The following PATL1 variants were observed in gnomAD, a reference collection of about 807,000 sequenced individuals.
The protein encoded by PATL1 is protein PAT1 homolog 1.
PATL1 carries 32 observed loss-of-function variants against 100.6 expected under a neutral mutation model. The observed-to-expected ratio is 0.32, with a 90% CI of 0.24 to 0.43. The LOEUF (loss-of-function observed/expected upper bound fraction) is 0.43. PATL1 is among the 20% of genes least tolerant of loss of function. The pLI, the probability that PATL1 is intolerant of heterozygous loss-of-function variation, is 1.00. For missense variants in PATL1, 747 were observed against 949.9 expected (o/e 0.79, Z 2.81); for synonymous variants, 332 against 330.0 (o/e 1.01, Z -0.07).
chr11:59,649,475 G>A lies in PATL1; in HGVS notation c.1720C>T (p.Pro574Ser). 1 of 1,613,794 alleles carries A rather than the reference G, an allele frequency of 6.2e-7. No homozygotes were observed. The highest frequency in any genetic ancestry group is 8.5e-7 in the Non-Finnish European group (1 of 1,179,826). ...SMYDNLRGKLPGQERPSDDHF... is the reference protein window; with the variant it reads ...SMYDNLRGKLSGQERPSDDHF... ...CACGATGCTTACCTCTCTTGTCCAG[G>A]CAATTTCCCCCTTAAGTTGTCATAC... The change falls in exon 14 of 19, where the codon CCT becomes TCT. Residue 574 changes from proline (P) to serine (S), a missense_variant. Pro to Ser is a moderately conservative substitution (Grantham distance 74, BLOSUM62 -1). Transcript: ENST00000300146.
At chr11:59,650,127 GAAAAAAAAAAA>G (rs755879524) in intron 13 of PATL1, among the ~76,000 whole-genome samples, 1 of 61,652 alleles carries the variant, frequency 1.6e-5, no homozygotes, top group East Asian at 6.1e-4. Flanking sequence ...ATCTCAAAAG[GAAAAAAAAAAA>G]AAAAAAAAAG....
rs918387908 is a variant in PATL1, at chr11:59,666,980, A to G, written c.16-16T>C. The G allele has an allele frequency of 3.3e-6, 5 of 1,535,066 alleles. No homozygotes were observed. The African/African-American group carries it at 6.9e-5, about 21-fold the overall frequency. On this transcript the variant is annotated splice_polypyrimidine_tract_variant and intron_variant, in intron 1 of 18. Transcript: ENST00000300146. The stretch of plus-strand genomic sequence containing the variant: ...CCTCCAAAGACTAAAAAAAAAGAAA[A>G]GACATTAGTTATTCATGAAATTCAC...
intron 2 of PATL1, among the ~76,000 whole-genome samples, chr11:59,659,680 C>G (rs987201953): frequency 1.3e-5 from 2 of 152,052 alleles, no homozygotes; most frequent in Non-Finnish European, 2.9e-5. Context: ...GCTGGGACTA[C>G]AGGCGCCCAC....
chr11:59,650,591 CTT>C (rs1861428505), intron 13 of PATL1, among the ~76,000 whole-genome samples, 161 bp downstream of exon 13: 2 of 152,156 alleles, frequency 1.3e-5, no homozygotes, highest in African/African-American at 4.8e-5. Flanking sequence ...TACCATAATC[CTT>C]TCCAAAGTTA....
chr11:59,649,485 C>T lies in PATL1; in HGVS notation c.1710G>A (p.Arg570=). 6.2e-7 allele frequency: 1 copy of T among 1,613,874 alleles called. No individual in the cohort carries two copies. Among genetic ancestry groups the T allele is most frequent in the Non-Finnish European group, 8.5e-7 (1 of 1,179,852 alleles). ...ACCTCTCTTGTCCAGGCAATTTCCC[C>T]CTTAAGTTGTCATACATGCTACAAA... ...HKICSMYDNL[R]GKLPGQERPS... Residue 570 remains arginine (R), a synonymous_variant, in exon 14 of 19, where the codon AGG becomes AGA. Transcript: ENST00000300146.
intron 1 of PATL1, among the ~76,000 whole-genome samples, chr11:59,668,653 A>C (rs911474811): frequency 6.6e-6 from 1 of 151,930 alleles, no homozygotes; most frequent in African/African-American, 2.4e-5. Flanking sequence ...CCCAAAACGG[A>C]GGCCAACTTT....
At chr11:59,659,584 T>G in intron 2 of PATL1, 115 bp from the exon 3 acceptor site, 2 of 943,974 alleles carry the variant, frequency 2.1e-6, no homozygotes, top group Non-Finnish European at 3.1e-6. Flanking sequence ...CAGGCTGCAG[T>G]GCAGTGGCGT....
chr11:59,638,377 A>C lies in PATL1; in HGVS notation c.*13T>G. 6.2e-7 allele frequency: 1 copy of C among 1,611,802 alleles called. No individual in the cohort carries two copies. Among genetic ancestry groups the C allele is most frequent in the Non-Finnish European group, 8.5e-7 (1 of 1,178,306 alleles). Reference sequence around the variant, plus strand: ...GCAGCCAAAAGGAGGTACAGGACACATTTGGAGATCTTTTATCGTATCCCC... The same window carrying C: ...GCAGCCAAAAGGAGGTACAGGACACCTTTGGAGATCTTTTATCGTATCCCC... On this transcript the variant is annotated 3_prime_UTR_variant, in exon 19 of 19. Coordinates refer to ENST00000300146, the MANE Select transcript of PATL1 (RefSeq NM_152716.3).
rs752120610 is a variant in PATL1, at chr11:59,654,019, C to T, written c.1085G>A (p.Arg362His). The change falls in exon 9 of 19, where the codon CGT becomes CAT. Residue 362 changes from arginine (R) to histidine (H), a missense_variant. This residue lies in a region of PATL1 where 434 missense variants were observed against 596.1 expected (regional missense o/e 0.73). Transcript: ENST00000300146. Reference sequence around the variant, plus strand: ...TTGCTGTCTCTGATGCAAGAGTCGACGGTGCTGTGGATGGAGGTGAGTTGT... The same window carrying T: ...TTGCTGTCTCTGATGCAAGAGTCGATGGTGCTGTGGATGGAGGTGAGTTGT... Reference protein sequence around the residue: ...PDTTHLHPQHRRLLHQRQQQN... With the variant: ...PDTTHLHPQHHRLLHQRQQQN... The T allele has an allele frequency of 1.9e-5, 30 of 1,613,500 alleles. No homozygotes were observed. The highest frequency in any genetic ancestry group is 2.5e-5 in the Non-Finnish European group (29 of 1,179,666).
Position 59,639,313 on chromosome 11 carries a change from TCTG to T in PATL1, c.2117_2119del (p.Thr706_Glu707delinsLys). 1.3e-6 allele frequency: 2 copies of T among 1,552,096 alleles called. No individual in the cohort carries two copies. The highest frequency in any genetic ancestry group is 1.7e-6 in the Non-Finnish European group (2 of 1,147,362). On this transcript the variant is annotated inframe_deletion, in exon 17 of 19. Transcript: ENST00000300146. Reference sequence around the variant, plus strand: ...TGACCACTGATTATTTTGTGTTGATTCTGTAGCAGGGTCTGAACTCTGTAGGTC... The same window carrying T: ...TGACCACTGATTATTTTGTGTTGATTTAGCAGGGTCTGAACTCTGTAGGTC...
chr11:59,649,710 C>A, intron 13 of PATL1, 100 bp from the exon 14 acceptor site: 30 of 1,184,256 alleles, frequency 2.5e-5, no homozygotes, highest in South Asian at 1.3e-4. Context: ...AAGACAAACT[C>A]ATTATAGAAA....
rs539114373 is a variant in PATL1 at position 59,660,854 on chromosome 11, A to G, written c.128-1385T>C. 5.1e-3 allele frequency among the ~76,000 whole-genome samples: 780 copies of G among 152,322 alleles called. 2 individuals are homozygous for G. The highest frequency in any genetic ancestry group is 6.8e-3 in the Non-Finnish European group (463 of 68,030). On this transcript the variant is annotated intron_variant, in intron 2 of 18. Coordinates refer to ENST00000300146, the MANE Select transcript of PATL1 (RefSeq NM_152716.3). Reference sequence around the variant, plus strand: ...TTAACTATGTCTGCTATTACTGCACACTACTATAAAGTCTGTAGCACTGAC... The same window carrying G: ...TTAACTATGTCTGCTATTACTGCACGCTACTATAAAGTCTGTAGCACTGAC...
chr11:59,660,503 A>G (rs1222688098), intron 2 of PATL1, among the ~76,000 whole-genome samples: 5 of 152,198 alleles, frequency 3.3e-5, no homozygotes, highest in African/African-American at 1.2e-4. Flanking sequence ...AAAGATTCTA[A>G]AGAGTAAGAG....
intron 15 of PATL1, among the ~76,000 whole-genome samples, chr11:59,644,797 T>C (rs1861336622): frequency 6.6e-6 from 1 of 151,712 alleles, no homozygotes; most frequent in Non-Finnish European, 1.5e-5. Context: ...GGCTCATGCC[T>C]GTAATCCCTG....
In PATL1 at chr11:59,651,580, C is replaced by A. The variant is rs373828690; in HGVS notation, c.1488G>T (p.Met496Ile). Residue 496 changes from methionine to isoleucine, a missense_variant, in exon 12 of 19, where the codon ATG (methionine) becomes ATT (isoleucine). By Grantham distance (10) the Met-to-Ile change is conservative (BLOSUM62 1). Transcript: ENST00000300146. The stretch of plus-strand genomic sequence containing the variant: ...TCCGAGATGTCACAACAGCATCAAT[C>A]ATTTTTCGGGGATTATTCACACTAG... ...TVSSVNNPRK[M>I]IDAVVTSRSE... 6.2e-7 allele frequency: 1 copy of A among 1,612,358 alleles called. No individual in the cohort carries two copies. The highest frequency in any genetic ancestry group is 8.5e-7 in the Non-Finnish European group (1 of 1,179,422).
At chr11:59,642,761 A>T (rs1380484589) in intron 16 of PATL1, 119 bp downstream of exon 16, 1 of 1,112,832 alleles carries the variant, frequency 9.0e-7, no homozygotes, top group Non-Finnish European at 1.3e-6. Context: ...GCTTAATGTA[A>T]CTCTTGACTG....
In PATL1 at chr11:59,654,069, A is replaced by T. The variant is rs750647729; in HGVS notation, c.1035T>A (p.Ser345=). 1.2e-6 allele frequency: 2 copies of T among 1,613,028 alleles called. No homozygotes were observed. Among genetic ancestry groups the T allele is most frequent in the Non-Finnish European group, 1.7e-6 (2 of 1,179,026 alleles). ...GPGPHLQNLR[S]QAPMFRPDTT... is the part of the protein sequence containing the mutation. ...TGTCCGGTCTAAACATTGGGGCCTG[A>T]GATCTAAGAAAAACGGAAAAGAGGT... Residue 345 remains serine (S), a synonymous_variant, in exon 9 of 19, where the codon TCT becomes TCA. Coordinates refer to ENST00000300146, the MANE Select transcript of PATL1 (RefSeq NM_152716.3).
chr11:59,641,359 T>G (rs1365240785), intron 16 of PATL1, among the ~76,000 whole-genome samples: 1 of 151,644 alleles, frequency 6.6e-6, no homozygotes, highest in African/African-American at 2.4e-5. Context: ...AGGTTTAGGT[T>G]AAATGTATGA....
At chr11:59,652,669 C>T (rs1861463645) in intron 10 of PATL1, 82 bp from the exon 11 acceptor site, 1 of 1,564,448 alleles carries the variant, frequency 6.4e-7, no homozygotes, top group Non-Finnish European at 8.7e-7. Flanking sequence ...ATGCCAGTGA[C>T]AGTAACACAA....
Sources: gnomAD v4.1 joint callset for allele counts (sites outside exome capture counted in the v4.1 genomes callset) on GRCh38, gnomAD v4.1.1 for gene constraint, gnomAD v4.1.1 regional missense constraint, MANE v1.5 for transcripts, NCBI Gene and HGNC (gene_info 2026-07-23, HGNC 2026-07-21) for gene names.